ZNF592: variants seen among roughly 807,000 people sequenced by gnomAD.
The protein encoded by ZNF592 is spinocerebellar ataxia, autosomal recessive 5.
Under a neutral mutation model 80.3 loss-of-function variants are expected in ZNF592, and 11 were observed. The observed-to-expected ratio is 0.14, with a 90% CI of 0.09 to 0.23. The LOEUF is 0.23. Ranked by LOEUF, ZNF592 falls within the 10% of genes least tolerant of loss-of-function variation. ZNF592 has a pLI of 1.00. For missense variants in ZNF592, 1,420 were observed against 1,633.9 expected (o/e 0.87, Z 2.26); for synonymous variants, 646 against 640.3 (o/e 1.01, Z -0.13).
intron 2 of ZNF592, among the ~76,000 whole-genome samples, chr15:84,765,240 A>T (rs1019418641): frequency 6.6e-6 from 1 of 152,164 alleles, no homozygotes; most frequent in African/African-American, 2.4e-5. Flanking sequence ...TTGTGTGTAT[A>T]TACCACATTT....
rs1247543515 is a variant in ZNF592 at position 84,748,775 on chromosome 15, G to A, written c.-259+111G>A. On this transcript the variant is annotated intron_variant, in intron 1 of 10. Coordinates refer to ENST00000560079, the MANE Select transcript of ZNF592 (RefSeq NM_014630.3). Reference sequence around the variant, plus strand: ...CGAGTCCGAGCCCGAGCCGGGGCCCGGCCCTGCAGCCTGGCGGACCCTGGC... The same window carrying A: ...CGAGTCCGAGCCCGAGCCGGGGCCCAGCCCTGCAGCCTGGCGGACCCTGGC... 2.4e-4 allele frequency: 36 copies of A among 147,096 alleles called. No individual in the cohort carries two copies. The East Asian group carries it at 5.9e-3, about 24-fold the overall frequency. 9.1% of individuals were successfully genotyped at this position (147,096 alleles called of 1,614,324 possible).
intron 10 of ZNF592, among the ~76,000 whole-genome samples, chr15:84,800,360 C>T (rs1487776018): frequency 6.6e-6 from 1 of 152,114 alleles, no homozygotes; most frequent in Non-Finnish European, 1.5e-5. Context: ...GCCAACTCAC[C>T]CCCCAACCTT....
In ZNF592 at chr15:84,802,164, C is replaced by T. The variant is rs369443891; in HGVS notation, c.3575C>T (p.Ala1192Val). ...EEEEEEEAAA[A>V]EMAVEVAEPE... ...GAGGAGGAAGAGGAGGCGGCGGCAG[C>T]GGAGATGGCAGTGGAGGTGGCAGAG... The change falls in exon 11 of 11, where the codon GCG (alanine) becomes GTG (valine). Residue 1192 changes from alanine to valine, a missense_variant. By Grantham distance (64) the Ala-to-Val change is moderately conservative. Coordinates refer to ENST00000560079, the MANE Select transcript of ZNF592 (RefSeq NM_014630.3). 1.3e-5 allele frequency: 21 copies of T among 1,603,190 alleles called. No individual in the cohort carries two copies. The highest frequency in any genetic ancestry group is 1.2e-4 in the African/African-American group (9 of 74,726).
At chr15:84,767,736 TTCTA>T (rs1596112282) in intron 2 of ZNF592, among the ~76,000 whole-genome samples, 2 of 152,248 alleles carry the variant, frequency 1.3e-5, no homozygotes, top group South Asian at 4.1e-4. Flanking sequence ...TTCTGTCTTT[TTCTA>T]TCTTTTAAAA....
At chr15:84,796,941 G>T (rs992645577) in intron 5 of ZNF592, among the ~76,000 whole-genome samples, 2 of 151,978 alleles carry the variant, frequency 1.3e-5, no homozygotes, top group African/African-American at 4.8e-5. Flanking sequence ...AAATAGCCAC[G>T]TGGCCACATG....
intron 4 of ZNF592, among the ~76,000 whole-genome samples, chr15:84,788,959 C>T (rs1187825050): frequency 6.6e-6 from 1 of 151,834 alleles, no homozygotes; most frequent in East Asian, 1.9e-4. Context: ...ACCTGTAAGC[C>T]CAGCACTTTG....
chr15:84,754,187 C>G (rs1302383975), intron 1 of ZNF592, among the ~76,000 whole-genome samples: 2 of 152,196 alleles, frequency 1.3e-5, no homozygotes, highest in African/African-American at 4.8e-5. Flanking sequence ...TATGGGCTGT[C>G]GTCCCCTGGT....
intron 2 of ZNF592, among the ~76,000 whole-genome samples, chr15:84,767,147 A>G (rs1157321247): frequency 2.0e-5 from 3 of 151,878 alleles, no homozygotes; most frequent in Non-Finnish European, 2.9e-5. Context: ...GGCGTACACC[A>G]CCACACCCGG....
chr15:84,769,983 G>A (rs1596113859), intron 2 of ZNF592, among the ~76,000 whole-genome samples: 3 of 152,332 alleles, frequency 2.0e-5, no homozygotes, highest in African/African-American at 2.4e-5. Flanking sequence ...GCTGTGTTGG[G>A]AATGACTAGT....
chr15:84,764,482 C>T (rs1899441323), intron 1 of ZNF592, among the ~76,000 whole-genome samples: 1 of 152,238 alleles, frequency 6.6e-6, no homozygotes, highest in Admixed American at 6.5e-5. Context: ...AGTCTGTGCT[C>T]TGAAGCACCA....
chr15:84,759,963 CCCCACCCT>C (rs1567059519), intron 1 of ZNF592, among the ~76,000 whole-genome samples: 1 of 73,744 alleles, frequency 1.4e-5, no homozygotes, highest in African/African-American at 4.6e-5. Context: ...TTCCCCCCCC[CCCCACCCT>C]GCCATTTAAA....
In ZNF592 at chr15:84,799,225, ATAG is replaced by A. The variant is rs1294867957; in HGVS notation, c.3137+20_3137+22del. The stretch of plus-strand genomic sequence containing the variant: ...TACACCTGCGGGTGAGTCCCTGGGG[ATAG>A]TAGTGAGGAGGCCTGAGGTTCAAAA... On this transcript the variant is annotated intron_variant, in intron 9 of 10. Coordinates refer to ENST00000560079, the MANE Select transcript of ZNF592 (RefSeq NM_014630.3). The surrounding 1 kb of genome is among the most constrained non-coding windows in gnomAD (Gnocchi z 4.2). 22 of 1,612,944 alleles carry A rather than the reference ATAG, an allele frequency of 1.4e-5. No homozygotes were observed. The highest frequency in any genetic ancestry group is 1.9e-5 in the Non-Finnish European group (22 of 1,178,910).
intron 1 of ZNF592, 56 bp from the exon 2 acceptor site, chr15:84,764,651 C>G (rs1899448182): frequency 2.5e-6 from 1 of 398,218 alleles, no homozygotes; most frequent in Non-Finnish European, 4.4e-6. Context: ...TTTCCTTACT[C>G]TAACACTTAC....
chr15:84,752,555 T>C (rs1328381659), intron 1 of ZNF592, among the ~76,000 whole-genome samples: 3 of 152,180 alleles, frequency 2.0e-5, no homozygotes, highest in Non-Finnish European at 2.9e-5. Context: ...CATGGAGCCA[T>C]GGTAGCCCCC....
Position 84,783,504 on chromosome 15 carries a change from G to C in ZNF592, c.829G>C (p.Ala277Pro). 1 of 1,614,232 alleles carries C rather than the reference G, an allele frequency of 6.2e-7. No individual in the cohort carries two copies. Among genetic ancestry groups the C allele is most frequent in the Non-Finnish European group, 8.5e-7 (1 of 1,180,038 alleles). ...CCCCCCTAGGCAGCGTCTAAAGCCAGCTCATTCCAAGCTGTCCTCTTGTGT... is the reference window on the plus strand; with the variant it reads ...CCCCCCTAGGCAGCGTCTAAAGCCACCTCATTCCAAGCTGTCCTCTTGTGT... Reference protein sequence around the residue: ...SVPPRQRLKPAHSKLSSCVAA... With the variant: ...SVPPRQRLKPPHSKLSSCVAA... Residue 277 changes from alanine (A) to proline (P), a missense_variant, in exon 4 of 11, where the codon GCT becomes CCT. Physicochemically the swap from Ala to Pro is conservative, Grantham distance 27. Around this residue, in one of 7 missense-constraint regions of ZNF592, gnomAD observed 373 missense variants for 355.5 expected, o/e 1.05. Transcript: ENST00000560079. This position sits in a 1 kb window ranked among gnomAD's most constrained non-coding sequence, Gnocchi z 5.0.
intron 1 of ZNF592, among the ~76,000 whole-genome samples, chr15:84,760,165 T>C (rs976006961): frequency 6.6e-6 from 1 of 152,070 alleles, no homozygotes; most frequent in Non-Finnish European, 1.5e-5. Context: ...AAATAAAATA[T>C]TGGTCTGAGC....
At chr15:84,780,119 TGG>T (rs1416256024) in intron 3 of ZNF592, among the ~76,000 whole-genome samples, 1 of 151,654 alleles carries the variant, frequency 6.6e-6, no homozygotes, top group Non-Finnish European at 1.5e-5. Context: ...CCCAAGTAGA[TGG>T]TACTACAGGC....
chr15:84,761,757 G>A (rs1374708933), intron 1 of ZNF592, among the ~76,000 whole-genome samples: 1 of 152,128 alleles, frequency 6.6e-6, no homozygotes, highest in East Asian at 1.9e-4. Context: ...AGCTGTCAGT[G>A]CTCTCAGGCT....
rs751469811 is a variant in ZNF592, at chr15:84,790,740, G to A, written c.2256G>A (p.Gln752=). The A allele has an allele frequency of 1.2e-6, 2 of 1,614,038 alleles. No homozygotes were observed. Among genetic ancestry groups the A allele is most frequent in the African/African-American group, 1.3e-5 (1 of 74,918 alleles). Reference sequence around the variant, plus strand: ...TATGCCAAATGCTGCTGCCCAACCAGTGCAGTTTCTGTGCCCACCAGCGGA... The same window carrying A: ...TATGCCAAATGCTGCTGCCCAACCAATGCAGTTTCTGTGCCCACCAGCGGA... ...CQVCQMLLPN[Q]CSFCAHQRIH... is the part of the protein sequence containing the mutation. The change falls in exon 5 of 11, where the codon CAG becomes CAA. Residue 752 remains glutamine (Q), a synonymous_variant. Coordinates refer to ENST00000560079, the MANE Select transcript of ZNF592 (RefSeq NM_014630.3).
Sources: allele counts gnomAD v4.1 joint callset (sites outside exome capture counted in the v4.1 genomes callset), GRCh38; gene constraint gnomAD v4.1.1; regional missense constraint gnomAD v4.1.1; non-coding constraint Gnocchi (gnomAD v3.1); transcripts MANE v1.5; gene names NCBI Gene and HGNC (gene_info 2026-07-23, HGNC 2026-07-21).